CHST11: variants seen among roughly 807,000 people sequenced by gnomAD.
CHST11 encodes C4S-1.
In CHST11, 9 loss-of-function variants were observed where a neutral mutation model predicts 30.4. The observed-to-expected ratio is 0.30, with a 90% CI of 0.18 to 0.52. CHST11 has a LOEUF of 0.52. Ranked by LOEUF, CHST11 falls within the 20% of genes least tolerant of loss-of-function variation. The probability of loss-of-function intolerance (pLI) is 0.97; values close to 1 mark genes in which losing one functional copy is unlikely to be tolerated. For synonymous variants in CHST11, 152 were observed against 187.8 expected (o/e 0.81, Z 1.56); for missense variants, 348 against 460.6 (o/e 0.76, Z 2.24).
chr12:104,607,905 G>A (rs997930355), intron 2 of CHST11, among the ~76,000 whole-genome samples: 1 of 152,114 alleles, frequency 6.6e-6, no homozygotes, highest in African/African-American at 2.4e-5. Flanking sequence ...TAACTGTGGG[G>A]CTTCTCCAGG....
chr12:104,603,429 CT>C (rs2136048181), intron 2 of CHST11, among the ~76,000 whole-genome samples: 1 of 152,344 alleles, frequency 6.6e-6, no homozygotes, highest in East Asian at 1.9e-4. Context: ...GTCACCGCCC[CT>C]GTGGATGGAA....
At chr12:104,673,452 A>G (rs1305583698) in intron 2 of CHST11, among the ~76,000 whole-genome samples, 4 of 152,116 alleles carry the variant, frequency 2.6e-5, no homozygotes, top group Non-Finnish European at 5.9e-5. Flanking sequence ...CAAGTAACTT[A>G]CCCTCTTTGG....
At chr12:104,748,776 CCAAA>C (rs2040408161) in intron 2 of CHST11, among the ~76,000 whole-genome samples, 1 of 152,130 alleles carries the variant, frequency 6.6e-6, no homozygotes, top group South Asian at 2.1e-4. Flanking sequence ...TTATGGCGGC[CCAAA>C]CACTTTGGGG....
intron 1 of CHST11, among the ~76,000 whole-genome samples, chr12:104,594,043 A>C (rs1452201702): frequency 6.6e-6 from 1 of 152,186 alleles, no homozygotes; most frequent in South Asian, 2.1e-4. Flanking sequence ...TTAGTAGAAT[A>C]TCTTTGGTTA....
At chr12:104,602,950 ACCT>A (rs200053238) in intron 2 of CHST11, among the ~76,000 whole-genome samples, 2,884 of 152,086 alleles carry the variant, frequency 0.019, 99 homozygotes, top group African/African-American at 0.065. Flanking sequence ...CCAATCTCTC[ACCT>A]GCACTCCCTT....
At chr12:104,517,313 G>T (rs1246055621) in intron 1 of CHST11, among the ~76,000 whole-genome samples, 1 of 152,146 alleles carries the variant, frequency 6.6e-6, no homozygotes, top group Non-Finnish European at 1.5e-5. Context: ...TCTTGAAGCC[G>T]ATTTAATCCT....
intron 1 of CHST11, among the ~76,000 whole-genome samples, chr12:104,467,959 C>T (rs1280236230): frequency 6.6e-6 from 1 of 152,160 alleles, no homozygotes; most frequent in Non-Finnish European, 1.5e-5. Flanking sequence ...TGACATCATT[C>T]AAGATATTTT....
At chr12:104,700,627 A>G (rs528382084) in intron 2 of CHST11, among the ~76,000 whole-genome samples, 60 of 152,268 alleles carry the variant, frequency 3.9e-4, no homozygotes, top group African/African-American at 1.4e-3. Context: ...ATGTAAAGCA[A>G]TTAGCGTGGT....
intron 2 of CHST11, among the ~76,000 whole-genome samples, chr12:104,687,399 T>C (rs887400211): frequency 6.6e-6 from 1 of 152,250 alleles, no homozygotes; most frequent in African/African-American, 2.4e-5. Flanking sequence ...TATTGAGCAC[T>C]TACTATGTAC....
At chr12:104,539,648 A>G (rs984799303) in intron 1 of CHST11, among the ~76,000 whole-genome samples, 1 of 152,172 alleles carries the variant, frequency 6.6e-6, no homozygotes, top group African/African-American at 2.4e-5. Context: ...CACACCCCCA[A>G]AATTGTCAGC....
At chr12:104,637,161 T>C (rs993607964) in intron 2 of CHST11, among the ~76,000 whole-genome samples, 1 of 151,384 alleles carries the variant, frequency 6.6e-6, no homozygotes, top group African/African-American at 2.4e-5. Context: ...AAAAATGAGC[T>C]GGGTGTGGTG....
intron 2 of CHST11, among the ~76,000 whole-genome samples, chr12:104,653,789 C>T (rs2039517138): frequency 6.6e-6 from 1 of 152,172 alleles, no homozygotes; most frequent in Non-Finnish European, 1.5e-5. Flanking sequence ...GATTAAGTGA[C>T]CTCCCGAGAT....
chr12:104,592,481 G>A (rs914339376), intron 1 of CHST11, among the ~76,000 whole-genome samples: 5 of 151,852 alleles, frequency 3.3e-5, no homozygotes, highest in Admixed American at 1.3e-4. Flanking sequence ...CTTTTATAAG[G>A]GCACTAATTC....
intron 1 of CHST11, among the ~76,000 whole-genome samples, chr12:104,568,252 C>T (rs2038587843): frequency 6.6e-6 from 1 of 152,134 alleles, no homozygotes; most frequent in South Asian, 2.1e-4. Context: ...TCCTCTCTTG[C>T]TGCAGTGTGT....
chr12:104,676,600 A>G lies in CHST11; in HGVS notation c.204+74609A>G, dbSNP rs751400264. On this transcript the variant is annotated intron_variant, in intron 2 of 2. Coordinates refer to ENST00000303694, the MANE Select transcript of CHST11 (RefSeq NM_018413.6). This position sits in a 1 kb window ranked among gnomAD's most constrained non-coding sequence, Gnocchi z 4.4. ...TGGCTAATTTTTGTATTTTTAGTAG[A>G]GATGGGGTTTCCCCATGTTGGCCAG... Among the ~76,000 whole-genome samples the G allele has an allele frequency of 6.6e-6, 1 of 152,176 alleles. No individual in the cohort carries two copies. The highest frequency in any genetic ancestry group is 1.5e-5 in the Non-Finnish European group (1 of 68,028).
At chr12:104,690,772 G>A (rs574611870) in intron 2 of CHST11, among the ~76,000 whole-genome samples, 3 of 152,268 alleles carry the variant, frequency 2.0e-5, no homozygotes, top group African/African-American at 7.2e-5. Flanking sequence ...AGGATGCAGT[G>A]AGCCAGGATT....
rs372052884 is a variant in CHST11, at chr12:104,720,573, T to C, written c.205-36376T>C. On this transcript the variant is annotated intron_variant, in intron 2 of 2. Transcript: ENST00000303694. Reference sequence around the variant, plus strand: ...ACGGCCACCTACCACCCCTGTCCCCTGAAGATAAATGATCGCAGCTGCAAA... The same window carrying C: ...ACGGCCACCTACCACCCCTGTCCCCCGAAGATAAATGATCGCAGCTGCAAA... Among the ~76,000 whole-genome samples the C allele has an allele frequency of 2.9e-4, 44 of 152,246 alleles. No homozygotes were observed. In the East Asian group the frequency reaches 8.1e-3, roughly 28 times the overall value.
chr12:104,677,836 T>C (rs2039756836), intron 2 of CHST11, among the ~76,000 whole-genome samples: 2 of 152,332 alleles, frequency 1.3e-5, no homozygotes, highest in African/African-American at 2.4e-5. Flanking sequence ...CCCCACCTCA[T>C]ATCACCCTGT....
In CHST11 at chr12:104,601,460, C is replaced by A. The variant is rs1327401423; in HGVS notation, c.119-446C>A. 2.0e-5 allele frequency among the ~76,000 whole-genome samples: 3 copies of A among 152,316 alleles called. No homozygotes were observed. The South Asian group carries it at 6.2e-4, about 32-fold the overall frequency. ...GTGGGAGGAGCCTCCTGGGGAAGGA[C>A]CTGCCCATTCTCAGAAGCCCAGCTT... is the stretch of plus-strand genomic sequence containing the variant. On this transcript the variant is annotated intron_variant, in intron 1 of 2. Transcript: ENST00000303694.
Sources: allele counts gnomAD v4.1 joint callset (sites outside exome capture counted in the v4.1 genomes callset), GRCh38; gene constraint gnomAD v4.1.1; non-coding constraint Gnocchi (gnomAD v3.1); transcripts MANE v1.5; gene names NCBI Gene and HGNC (gene_info 2026-07-23, HGNC 2026-07-21).